JAK2: variants seen among roughly 807,000 people sequenced by gnomAD.
JAK2 encodes the protein tyrosine-protein kinase JAK2.
A neutral mutation model predicts 139.3 loss-of-function variants in JAK2; 86 were observed. The ratio of observed to expected loss-of-function variants is 0.62; its 90% CI spans 0.52 to 0.74. JAK2 has a LOEUF of 0.74. Among genes scored for constraint, JAK2 ranks in the 30% least tolerant of loss-of-function variants. JAK2 has a pLI of 0.00. For synonymous variants in JAK2, 490 were observed against 437.7 expected (o/e 1.12, Z -1.49); for missense variants, 1,421 against 1,360.3 (o/e 1.04, Z -0.70).
At chr9:5,087,406 G>C (rs1042390894) in intron 19 of JAK2, among the ~76,000 whole-genome samples, 8 of 152,180 alleles carry the variant, frequency 5.3e-5, no homozygotes, top group Non-Finnish European at 8.8e-5. Flanking sequence ...TCCTTCCAAT[G>C]ACATGTGGGG....
At chr9:5,125,219 T>C (rs1442461488) in intron 23 of JAK2, among the ~76,000 whole-genome samples, 1 of 151,118 alleles carries the variant, frequency 6.6e-6, no homozygotes, top group Non-Finnish European at 1.5e-5. Context: ...CAAAGAAGTA[T>C]ATAAAACTTT....
chr9:5,116,425 T>G (rs908937209), intron 22 of JAK2, among the ~76,000 whole-genome samples: 1 of 152,244 alleles, frequency 6.6e-6, no homozygotes, highest in Middle Eastern at 3.2e-3. Flanking sequence ...TGCGTTCATC[T>G]AATTACTTTT....
intron 5 of JAK2, among the ~76,000 whole-genome samples, chr9:5,048,585 G>C (rs945844273): frequency 2.6e-5 from 4 of 152,138 alleles, no homozygotes; most frequent in African/African-American, 9.7e-5. Flanking sequence ...GCAAAAATCT[G>C]TCTCCTACCC....
chr9:5,049,234 C>A (rs1817244806), intron 5 of JAK2, among the ~76,000 whole-genome samples: 1 of 152,184 alleles, frequency 6.6e-6, no homozygotes, highest in Admixed American at 6.5e-5. Context: ...TGCTACTACT[C>A]TGCCAATGGA....
chr9:5,055,830 T>C, intron 8 of JAK2, 42 bp downstream of exon 8: 1 of 1,540,768 alleles, frequency 6.5e-7, no homozygotes, highest in African/African-American at 1.4e-5. Flanking sequence ...CATTTTATAG[T>C]TCTCAGAAAT....
intron 22 of JAK2, among the ~76,000 whole-genome samples, chr9:5,120,832 T>G (rs1239762205): frequency 6.6e-6 from 1 of 152,168 alleles, no homozygotes; most frequent in African/African-American, 2.4e-5. Context: ...ATTTTCAAAT[T>G]GAGCAGCTAA....
intron 16 of JAK2, among the ~76,000 whole-genome samples, 154 bp downstream of exon 16, chr9:5,078,598 A>T (rs1819471438): frequency 6.6e-6 from 1 of 152,116 alleles, no homozygotes; most frequent in African/African-American, 2.4e-5. Flanking sequence ...TTGTTAGTTA[A>T]ATCTTAGTCT....
chr9:5,098,941 A>T (rs1002685061), intron 22 of JAK2: 6 of 152,028 alleles, frequency 3.9e-5, no homozygotes, highest in African/African-American at 1.5e-4. Flanking sequence ...TGTTCCACCC[A>T]CTTCAGCCTC....
intron 8 of JAK2, among the ~76,000 whole-genome samples, chr9:5,062,994 G>A (rs1050804651): frequency 6.6e-6 from 1 of 152,000 alleles, no homozygotes; most frequent in African/African-American, 2.4e-5. Context: ...TAATCTCCAA[G>A]TCTTTTAATT....
At chr9:5,062,134 T>G (rs1818219986) in intron 8 of JAK2, among the ~76,000 whole-genome samples, 1 of 152,096 alleles carries the variant, frequency 6.6e-6, no homozygotes, top group Non-Finnish European at 1.5e-5. Flanking sequence ...ATATGCAATT[T>G]TTTTTCAGCC....
At chr9:5,035,909 G>A (rs764809720) in intron 4 of JAK2, among the ~76,000 whole-genome samples, 1 of 152,192 alleles carries the variant, frequency 6.6e-6, no homozygotes. Context: ...GGAAATAAAG[G>A]TTATTTGATT....
intron 2 of JAK2, among the ~76,000 whole-genome samples, chr9:5,003,085 G>A (rs1821025964): frequency 1.3e-5 from 2 of 151,830 alleles, no homozygotes; most frequent in African/African-American, 4.8e-5. Context: ...TGTTCCATTT[G>A]TCTATTTGTT....
At chr9:5,126,175 T>C (rs2130864176) in intron 23 of JAK2, 158 bp from the exon 24 acceptor site, 2 of 548,756 alleles carry the variant, frequency 3.6e-6, no homozygotes, top group South Asian at 5.1e-5. Context: ...TTTAACAGCC[T>C]TATGTTTTTG....
At chr9:5,120,141 G>A (rs1823503232) in intron 22 of JAK2, among the ~76,000 whole-genome samples, 2 of 152,212 alleles carry the variant, frequency 1.3e-5, no homozygotes, top group South Asian at 4.1e-4. Flanking sequence ...TTTCCAAGAT[G>A]GAGCCTTGCT....
At chr9:5,090,111 GTTTTTGTTTACA>G (rs761016289) in intron 20 of JAK2, among the ~76,000 whole-genome samples, 7 of 152,020 alleles carry the variant, frequency 4.6e-5, no homozygotes, top group Non-Finnish European at 8.8e-5. Flanking sequence ...TAAAGGAATT[GTTTTTGTTTACA>G]TTTTCTATAA....
intron 2 of JAK2, among the ~76,000 whole-genome samples, chr9:4,996,928 C>CTTTTTTTTTTTTTTT (rs1166992356): frequency 1.1e-5 from 1 of 94,706 alleles, no homozygotes; most frequent in African/African-American, 4.4e-5. Context: ...TTAGTTTGTT[C>CTTTTTTTTTTTTTTT]TTTTTTTTTT....
In JAK2 at chr9:5,064,840, G is replaced by C. The variant is rs201851673; in HGVS notation, c.1057-43G>C. ...AATTTTCAATATTTAACATGGAGTT[G>C]ACTTTCTAAAAGGTGCTATTTCTTT... On this transcript the variant is annotated intron_variant, in intron 8 of 24. Transcript: ENST00000381652. 243 of 1,416,916 alleles carry C rather than the reference G, an allele frequency of 1.7e-4. 1 individual carries two copies. In the Middle Eastern group the frequency reaches 2.7e-3, roughly 16 times the overall value. 87.8% of individuals were successfully genotyped at this position (1,416,916 alleles called of 1,614,324 possible).
Position 4,985,572 on chromosome 9 carries a change from G to T in JAK2, c.-167G>T, listed in dbSNP as rs1350851062. ...GGGCTTCGCAGACCTTGACCCGCCG[G>T]GTAGGAGCCGCCCCTGCGGGCTCGA... On this transcript the variant is annotated 5_prime_UTR_variant, in exon 1 of 25. Coordinates refer to ENST00000381652, the MANE Select transcript of JAK2 (RefSeq NM_004972.4). 2 of 152,434 alleles carry T rather than the reference G, an allele frequency of 1.3e-5. No homozygotes were observed. Among genetic ancestry groups the T allele is most frequent in the African/African-American group, 4.8e-5 (2 of 41,480 alleles). 9.4% of individuals were successfully genotyped at this position (152,434 alleles called of 1,614,324 possible).
At chr9:5,002,994 A>G (rs759325159) in intron 2 of JAK2, among the ~76,000 whole-genome samples, 1 of 151,986 alleles carries the variant, frequency 6.6e-6, no homozygotes, top group African/African-American at 2.4e-5. Context: ...GAAATGACCA[A>G]TATTTCTTCA....
Sources: allele counts gnomAD v4.1 joint callset (sites outside exome capture counted in the v4.1 genomes callset), GRCh38; gene constraint gnomAD v4.1.1; transcripts MANE v1.5; gene names NCBI Gene and HGNC (gene_info 2026-07-23, HGNC 2026-07-21).